The following PPP2R5E variants were observed in gnomAD, a reference collection of about 807,000 sequenced individuals.
PPP2R5E encodes serine/threonine-protein phosphatase 2A 56 kDa regulatory subunit epsilon isoform.
A neutral mutation model predicts 65.3 loss-of-function variants in PPP2R5E; 4 were observed. The ratio of observed to expected loss-of-function variants is 0.06; its 90% CI spans 0.03 to 0.14. PPP2R5E has a LOEUF of 0.14. PPP2R5E is among the 10% of genes least tolerant of loss of function. The pLI, the probability that PPP2R5E is intolerant of heterozygous loss-of-function variation, is 1.00. For missense variants in PPP2R5E, 274 were observed against 556.1 expected (o/e 0.49, Z 5.10); for synonymous variants, 183 against 187.4 (o/e 0.98, Z 0.19).
chr14:63,416,291 T>TA (rs1566685918), intron 4 of PPP2R5E, among the ~76,000 whole-genome samples: 2 of 152,204 alleles, frequency 1.3e-5, no homozygotes, highest in African/African-American at 4.8e-5. Context: ...TCTGTTTCTC[T>TA]AAAAAATACA....
At chr14:63,535,628 A>G (rs1201467997) in intron 2 of PPP2R5E, among the ~76,000 whole-genome samples, 1 of 151,950 alleles carries the variant, frequency 6.6e-6, no homozygotes, top group East Asian at 1.9e-4. Flanking sequence ...TGACATATTA[A>G]AAGATGAGTT....
chr14:63,428,900 T>C (rs1043296216), intron 3 of PPP2R5E, among the ~76,000 whole-genome samples: 4 of 152,192 alleles, frequency 2.6e-5, no homozygotes, highest in Admixed American at 6.5e-5. Flanking sequence ...TTTTACACTA[T>C]GATTTTGATT....
chr14:63,430,421 G>A (rs9743830), intron 3 of PPP2R5E, among the ~76,000 whole-genome samples: 2,624 of 143,924 alleles, frequency 0.018, 86 homozygotes, highest in African/African-American at 0.065. Context: ...ATACATACAT[G>A]CATACATACA....
intron 10 of PPP2R5E, among the ~76,000 whole-genome samples, chr14:63,391,269 CATCTGTACT>C (rs1004877799): frequency 1.3e-5 from 2 of 152,160 alleles, no homozygotes; most frequent in African/African-American, 4.8e-5. Flanking sequence ...CTGGCCTAAT[CATCTGTACT>C]TACTTAGTGT....
At chr14:63,474,138 T>C (rs546173094) in intron 2 of PPP2R5E, among the ~76,000 whole-genome samples, 72 of 152,218 alleles carry the variant, frequency 4.7e-4, no homozygotes, top group African/African-American at 1.4e-3. Flanking sequence ...GTGGGAAGGA[T>C]TGGAGACAAA....
At chr14:63,465,865 T>A (rs1032093293) in intron 2 of PPP2R5E, among the ~76,000 whole-genome samples, 1 of 152,120 alleles carries the variant, frequency 6.6e-6, no homozygotes, top group Non-Finnish European at 1.5e-5. Flanking sequence ...CAATTTTCAG[T>A]CAGGTTCAGA....
At chr14:63,525,602 A>C (rs1353937372) in intron 2 of PPP2R5E, among the ~76,000 whole-genome samples, 2 of 152,158 alleles carry the variant, frequency 1.3e-5, no homozygotes, top group Non-Finnish European at 2.9e-5. Flanking sequence ...ATCTGATGAA[A>C]GCTCTACCTT....
intron 2 of PPP2R5E, among the ~76,000 whole-genome samples, chr14:63,475,886 C>T (rs1345284800): frequency 1.3e-5 from 2 of 152,036 alleles, no homozygotes; most frequent in Non-Finnish European, 2.9e-5. Flanking sequence ...GAAAGCCAAG[C>T]TAAAATGAAA....
intron 5 of PPP2R5E, among the ~76,000 whole-genome samples, chr14:63,412,068 G>A (rs1886420602): frequency 6.6e-6 from 1 of 152,198 alleles, no homozygotes; most frequent in Non-Finnish European, 1.5e-5. Flanking sequence ...AAAGATGGAA[G>A]ACACAGTGAA....
At chr14:63,493,964 CAAAT>C (rs1322552932) in intron 2 of PPP2R5E, among the ~76,000 whole-genome samples, 2 of 152,110 alleles carry the variant, frequency 1.3e-5, no homozygotes, top group Non-Finnish European at 2.9e-5. Flanking sequence ...AAGGTATTCT[CAAAT>C]ACTCTACTAG....
At chr14:63,442,552 T>C (rs962959198) in intron 3 of PPP2R5E, among the ~76,000 whole-genome samples, 13 of 152,104 alleles carry the variant, frequency 8.5e-5, no homozygotes, top group Non-Finnish European at 1.6e-4. Flanking sequence ...ATAAGTACAA[T>C]AAGACATTTT....
intron 3 of PPP2R5E, among the ~76,000 whole-genome samples, chr14:63,430,609 A>G (rs1165265031): frequency 1.3e-5 from 2 of 152,184 alleles, no homozygotes; most frequent in Non-Finnish European, 2.9e-5. Context: ...GCTCCTTTAA[A>G]TTAATTATAG....
At chr14:63,518,556 C>G (rs965770503) in intron 2 of PPP2R5E, among the ~76,000 whole-genome samples, 7 of 152,136 alleles carry the variant, frequency 4.6e-5, no homozygotes, top group Admixed American at 2.6e-4. Flanking sequence ...ATTTTATTTA[C>G]AGTTTTTCTT....
intron 3 of PPP2R5E, among the ~76,000 whole-genome samples, chr14:63,433,032 G>GTTTGT (rs1887763310): frequency 4.1e-5 from 4 of 96,462 alleles, no homozygotes; most frequent in African/African-American, 1.5e-4. Context: ...GTTTTGTTTT[G>GTTTGT]TTTTTTTTTT....
intron 2 of PPP2R5E, among the ~76,000 whole-genome samples, chr14:63,496,872 T>A (rs998866848): frequency 6.6e-6 from 1 of 150,606 alleles, no homozygotes; most frequent in African/African-American, 2.5e-5. Flanking sequence ...AACTATTTTA[T>A]CTGGGTACAC....
rs143683969 is a variant in PPP2R5E at position 63,496,118 on chromosome 14, C to G, written c.158-42233G>C. The stretch of plus-strand genomic sequence containing the variant: ...AATATCACTACTTCTATAAATCATG[C>G]TTTGTGGATTATTCTGCATCATACA... On this transcript the variant is annotated intron_variant, in intron 2 of 13. Transcript: ENST00000337537. Among the ~76,000 whole-genome samples, 91 of 152,256 alleles carry G rather than the reference C, an allele frequency of 6.0e-4. 1 individual carries two copies. In the East Asian group the frequency reaches 0.014, roughly 23 times the overall value.
rs1885604828 is a variant in PPP2R5E at position 63,399,366 on chromosome 14, C to CTTTGTTT, written c.550-2651_550-2650insAAACAAA. ...GCTACTAATAGGTCTGGATTTCTTTCTTTTTTTTTTTTTTTTTTTTTTTTT... is the reference window on the plus strand; with the variant it reads ...GCTACTAATAGGTCTGGATTTCTTTCTTTGTTTTTTTTTTTTTTTTTTTTTTTTTTTT... On this transcript the variant is annotated intron_variant, in intron 5 of 13. Transcript: ENST00000337537. Among the ~76,000 whole-genome samples the CTTTGTTT allele has an allele frequency of 2.5e-4, 12 of 48,520 alleles. 1 individual carries two copies. Among genetic ancestry groups the CTTTGTTT allele is most frequent in the Non-Finnish European group, 1.8e-4 (5 of 27,602 alleles). 31.8% of individuals were successfully genotyped at this position (48,520 alleles called of 152,430 possible).
rs377329178 is a variant in PPP2R5E, at chr14:63,422,926, C to A, written c.355-832G>T. Among the ~76,000 whole-genome samples, 10 of 152,196 alleles carry A rather than the reference C, an allele frequency of 6.6e-5. No individual in the cohort carries two copies. In the South Asian group the frequency reaches 2.1e-3, roughly 32 times the overall value. On this transcript the variant is annotated intron_variant, in intron 3 of 13. Transcript: ENST00000337537. ...ATAGTAATGATACCCAGAGTAAAAT[C>A]CTATCTGTGATATAAACCTCTATAA...
chr14:63,415,236 CAACA>C lies in PPP2R5E; in HGVS notation c.457-8_457-5del, dbSNP rs773130248. 4.4e-6 allele frequency: 7 copies of C among 1,583,208 alleles called. No homozygotes were observed. The African/African-American group carries it at 5.4e-5, about 12-fold the overall frequency. On this transcript the variant is annotated splice_region_variant and splice_polypyrimidine_tract_variant and intron_variant, in intron 4 of 13. Transcript: ENST00000337537. Reference sequence around the variant, plus strand: ...GTATGAAAAATTCATATACAAGCTGCAACAAACAGATTATAATTAATTTCAAATT... The same window carrying C: ...GTATGAAAAATTCATATACAAGCTGCAACAGATTATAATTAATTTCAAATT...
Sources: allele counts gnomAD v4.1 joint callset (sites outside exome capture counted in the v4.1 genomes callset), GRCh38; gene constraint gnomAD v4.1.1; transcripts MANE v1.5; gene names NCBI Gene and HGNC (gene_info 2026-07-23, HGNC 2026-07-21).